Variants in ADAM18 observed in about 807,000 individuals in gnomAD.
ADAM18 encodes the protein disintegrin and metalloproteinase domain-containing protein 18.
A neutral mutation model predicts 94.4 loss-of-function variants in ADAM18; 117 were observed. The ratio of observed to expected loss-of-function variants is 1.24; its 90% CI spans 1.07 to 1.45. The LOEUF is 1.45. Ranked by LOEUF, ADAM18 falls within the 40% of genes most tolerant of loss-of-function variation. The probability of loss-of-function intolerance (pLI) is 0.00; values close to 1 mark genes in which losing one functional copy is unlikely to be tolerated. For synonymous variants in ADAM18, 327 were observed against 291.6 expected (o/e 1.12, Z -1.24); for missense variants, 936 against 880.0 (o/e 1.06, Z -0.81).
At chr8:39,694,830 A>G (rs1174411470) in intron 17 of ADAM18, among the ~76,000 whole-genome samples, 1 of 151,574 alleles carries the variant, frequency 6.6e-6, no homozygotes, top group Admixed American at 6.6e-5. Context: ...GGGTCCTAAA[A>G]ATATATAGGT....
chr8:39,723,989 T>C, intron 19 of ADAM18, 82 bp downstream of exon 19: 1 of 865,382 alleles, frequency 1.2e-6, no homozygotes. Flanking sequence ...TAACATTTGT[T>C]ATATTAATTC....
At chr8:39,676,851 G>C (rs1273845257) in intron 14 of ADAM18, among the ~76,000 whole-genome samples, 2 of 152,210 alleles carry the variant, frequency 1.3e-5, no homozygotes, top group South Asian at 4.1e-4. Context: ...GTGGATAACA[G>C]GATTCATTTA....
At chr8:39,674,200 T>A (rs1327881323) in intron 14 of ADAM18, among the ~76,000 whole-genome samples, 1 of 152,206 alleles carries the variant, frequency 6.6e-6, no homozygotes, top group African/African-American at 2.4e-5. Flanking sequence ...GTCTCGTTGA[T>A]CTGTCTAATA....
At chr8:39,687,946 C>CT (rs1166265572) in intron 16 of ADAM18, among the ~76,000 whole-genome samples, 1 of 152,122 alleles carries the variant, frequency 6.6e-6, no homozygotes, top group African/African-American at 2.4e-5. Context: ...ATACATGTGT[C>CT]TTTTTGGTAG....
intron 10 of ADAM18, among the ~76,000 whole-genome samples, chr8:39,643,617 G>A (rs906167120): frequency 1.3e-5 from 2 of 152,042 alleles, no homozygotes; most frequent in African/African-American, 4.8e-5. Flanking sequence ...AATGAACAGA[G>A]TGGTTCCTCT....
At chr8:39,602,761 T>G (rs965015850) in intron 2 of ADAM18, among the ~76,000 whole-genome samples, 1 of 141,984 alleles carries the variant, frequency 7.0e-6, no homozygotes, top group East Asian at 1.9e-4. Context: ...TTTTTTTCAT[T>G]CTTTTAATAA....
At chr8:39,645,626 T>C in intron 11 of ADAM18, 152 bp downstream of exon 11, 4 of 728,104 alleles carry the variant, frequency 5.5e-6, no homozygotes, top group Non-Finnish European at 8.8e-6. Context: ...TTATGTATAC[T>C]TAGGGATATA....
intron 10 of ADAM18, among the ~76,000 whole-genome samples, chr8:39,639,346 C>T (rs1048712583): frequency 2.0e-5 from 3 of 151,914 alleles, no homozygotes; most frequent in Admixed American, 1.3e-4. Context: ...TTTATGTAAG[C>T]AGAACACAGT....
intron 18 of ADAM18, among the ~76,000 whole-genome samples, chr8:39,715,737 A>G (rs1586010468): frequency 1.3e-5 from 2 of 152,054 alleles, no homozygotes; most frequent in African/African-American, 4.8e-5. Flanking sequence ...AACAAAACTC[A>G]CACAAGATGA....
At chr8:39,676,842 T>C (rs1821316390) in intron 14 of ADAM18, among the ~76,000 whole-genome samples, 1 of 152,192 alleles carries the variant, frequency 6.6e-6, no homozygotes, top group African/African-American at 2.4e-5. Flanking sequence ...TCACATAGAG[T>C]GGATAACAGG....
At chr8:39,584,935 C>A (rs562325263) in intron 1 of ADAM18, among the ~76,000 whole-genome samples, 2 of 152,144 alleles carry the variant, frequency 1.3e-5, no homozygotes, top group Non-Finnish European at 2.9e-5. Context: ...GGCATCTTCC[C>A]ACTCTGTGAA....
chr8:39,678,904 T>G (rs1821364131), intron 15 of ADAM18, among the ~76,000 whole-genome samples: 1 of 152,166 alleles, frequency 6.6e-6, no homozygotes, highest in African/African-American at 2.4e-5. Flanking sequence ...TTCTAAGAAT[T>G]TAACCATAAA....
intron 12 of ADAM18, among the ~76,000 whole-genome samples, chr8:39,656,513 AAC>A (rs1366534801): frequency 6.6e-6 from 1 of 152,198 alleles, no homozygotes; most frequent in Non-Finnish European, 1.5e-5. Context: ...AAGGTAAAAA[AAC>A]ACAAAACAAA....
intron 13 of ADAM18, among the ~76,000 whole-genome samples, chr8:39,664,323 G>A (rs1032144079): frequency 2.0e-5 from 3 of 151,990 alleles, no homozygotes; most frequent in African/African-American, 7.3e-5. Context: ...ATTGTATTAG[G>A]TAATATAAGT....
intron 11 of ADAM18, among the ~76,000 whole-genome samples, chr8:39,645,944 A>G (rs889919066): frequency 6.6e-6 from 1 of 152,164 alleles, no homozygotes; most frequent in Non-Finnish European, 1.5e-5. Context: ...AAAGTATGGT[A>G]ATACTTATTC....
intron 12 of ADAM18, among the ~76,000 whole-genome samples, chr8:39,657,972 T>C (rs1205696575): frequency 1.3e-5 from 2 of 152,160 alleles, no homozygotes; most frequent in Admixed American, 1.3e-4. Flanking sequence ...AAATGAGAAT[T>C]ATATTGTATT....
intron 19 of ADAM18, among the ~76,000 whole-genome samples, chr8:39,729,433 G>A (rs1277172143): frequency 6.6e-6 from 1 of 152,070 alleles, no homozygotes; most frequent in Non-Finnish European, 1.5e-5. Context: ...TTATTTCCAT[G>A]TTAACTCTAT....
At chr8:39,695,591 T>G (rs1010430105) in intron 17 of ADAM18, among the ~76,000 whole-genome samples, 1 of 151,226 alleles carries the variant, frequency 6.6e-6, no homozygotes, top group Non-Finnish European at 1.5e-5. Flanking sequence ...TCCTCCATTA[T>G]CCCCTTCCCC....
intron 9 of ADAM18, 31 bp from the exon 10 acceptor site, chr8:39,638,434 A>G: frequency 7.0e-7 from 1 of 1,427,580 alleles, no homozygotes; most frequent in Non-Finnish European, 9.5e-7. Context: ...GTTTTGCATA[A>G]CTACGTTAAT....
Sources: gnomAD v4.1 joint callset for allele counts (sites outside exome capture counted in the v4.1 genomes callset) on GRCh38, gnomAD v4.1.1 for gene constraint, MANE v1.5 for transcripts, NCBI Gene and HGNC (gene_info 2026-07-23, HGNC 2026-07-21) for gene names.